Variants in NR3C1 observed in about 807,000 individuals in gnomAD.
The protein encoded by NR3C1 is nuclear receptor subfamily 3 group C member 1, also known as glucocorticoid receptor.
Under a neutral mutation model 74.0 loss-of-function variants are expected in NR3C1, and 14 were observed. The ratio of observed to expected loss-of-function variants is 0.19; its 90% CI spans 0.12 to 0.30. The LOEUF is 0.30. NR3C1 is among the 10% of genes least tolerant of loss of function. The pLI, the probability that NR3C1 is intolerant of heterozygous loss-of-function variation, is 1.00. For missense variants in NR3C1, 695 were observed against 909.8 expected (o/e 0.76, Z 3.04); for synonymous variants, 308 against 332.5 (o/e 0.93, Z 0.80).
chr5:143,378,552 A>C (rs1835634850), intron 2 of NR3C1, among the ~76,000 whole-genome samples: 1 of 152,172 alleles, frequency 6.6e-6, no homozygotes, highest in South Asian at 2.1e-4. Flanking sequence ...CAGTTCTTTG[A>C]GAACACTTAC....
chr5:143,294,412 T>G, intron 7 of NR3C1: 1 of 768,252 alleles, frequency 1.3e-6, no homozygotes, highest in Non-Finnish European at 1.6e-6. Context: ...AAAAAAGACT[T>G]TTTTTAGAGC....
At chr5:143,401,021 C>T (rs539136527) in intron 1 of NR3C1, among the ~76,000 whole-genome samples, 169 bp from the exon 2 acceptor site, 1 of 152,282 alleles carries the variant, frequency 6.6e-6, no homozygotes, top group Non-Finnish European at 1.5e-5. Context: ...AATAAAAAGC[C>T]ATGTCCCCTG....
intron 1 of NR3C1, chr5:143,401,219 A>C: frequency 4.1e-6 from 1 of 246,532 alleles, no homozygotes; most frequent in Non-Finnish European, 8.0e-6. Flanking sequence ...CAAAGTATTT[A>C]ATTTCAAAAA....
intron 2 of NR3C1, among the ~76,000 whole-genome samples, chr5:143,391,316 AAAC>A (rs1300670501): frequency 6.6e-5 from 10 of 152,192 alleles, no homozygotes; most frequent in Admixed American, 2.0e-4. Context: ...TCAATAAAGA[AAAC>A]AAGTCAGTGC....
At chr5:143,367,675 A>G (rs1021093691) in intron 2 of NR3C1, among the ~76,000 whole-genome samples, 25 of 152,230 alleles carry the variant, frequency 1.6e-4, no homozygotes, top group Non-Finnish European at 3.7e-4. Context: ...AAAATATTCA[A>G]GAATAAATTT....
At chr5:143,364,144 G>A (rs1190265038) in intron 2 of NR3C1, among the ~76,000 whole-genome samples, 4 of 152,162 alleles carry the variant, frequency 2.6e-5, no homozygotes, top group Admixed American at 6.5e-5. Flanking sequence ...AAAGCAGCAC[G>A]ACAAGCAAGT....
At chr5:143,343,772 T>A (rs6871322) in intron 2 of NR3C1, among the ~76,000 whole-genome samples, 2,769 of 152,314 alleles carry the variant, frequency 0.018, 101 homozygotes, top group African/African-American at 0.063. Flanking sequence ...CATTCAGAGA[T>A]GAAATCAAAA....
At chr5:143,363,409 G>GA (rs1451507965) in intron 2 of NR3C1, among the ~76,000 whole-genome samples, 2 of 151,962 alleles carry the variant, frequency 1.3e-5, no homozygotes, top group African/African-American at 2.4e-5. Context: ...AAGTACACAG[G>GA]AAAAGAAAGA....
chr5:143,370,110 C>G (rs1340891102), intron 2 of NR3C1, among the ~76,000 whole-genome samples: 3 of 152,134 alleles, frequency 2.0e-5, no homozygotes, highest in African/African-American at 7.2e-5. Context: ...TGAAGCAGTT[C>G]AGTGGATCTT....
intron 1 of NR3C1, among the ~76,000 whole-genome samples, chr5:143,422,244 A>G (rs981392908): frequency 6.6e-6 from 1 of 152,174 alleles, no homozygotes; most frequent in Admixed American, 6.5e-5. Context: ...TTTAAAGTAT[A>G]GATATCTGGG....
intron 2 of NR3C1, among the ~76,000 whole-genome samples, chr5:143,351,974 T>C (rs1057306890): frequency 3.3e-5 from 5 of 152,146 alleles, no homozygotes; most frequent in African/African-American, 1.2e-4. Flanking sequence ...TATAACAAAT[T>C]TAAGAGAAGA....
At chr5:143,356,073 G>C (rs909939664) in intron 2 of NR3C1, among the ~76,000 whole-genome samples, 1 of 152,092 alleles carries the variant, frequency 6.6e-6, no homozygotes, top group African/African-American at 2.4e-5. Flanking sequence ...TACAGATACT[G>C]TTTTTAATAT....
At chr5:143,307,852 A>G (rs1819965198) in intron 4 of NR3C1, among the ~76,000 whole-genome samples, 1 of 152,226 alleles carries the variant, frequency 6.6e-6, no homozygotes. Flanking sequence ...AGTGGGGAAT[A>G]CTGTTTTTAT....
chr5:143,344,595 G>A (rs1332739309), intron 2 of NR3C1, among the ~76,000 whole-genome samples: 1 of 152,122 alleles, frequency 6.6e-6, no homozygotes, highest in Non-Finnish European at 1.5e-5. Context: ...GATGCTGACT[G>A]GGCGCGGTAG....
chr5:143,377,693 G>T (rs1398094122), intron 2 of NR3C1, among the ~76,000 whole-genome samples: 2 of 152,210 alleles, frequency 1.3e-5, no homozygotes, highest in African/African-American at 4.8e-5. Context: ...AATATAGGGA[G>T]AAACATTTTT....
chr5:143,317,959 A>T (rs1468004932), intron 2 of NR3C1, among the ~76,000 whole-genome samples: 1 of 152,162 alleles, frequency 6.6e-6, no homozygotes, highest in African/African-American at 2.4e-5. Flanking sequence ...CATACAGACA[A>T]ATCTGGGTTC....
In NR3C1 at chr5:143,300,901, G is replaced by A; in HGVS notation, c.1469-138C>T. 1 of 1,011,604 alleles carries A rather than the reference G, an allele frequency of 9.9e-7. No individual in the cohort carries two copies. The highest frequency in any genetic ancestry group is 1.4e-6 in the Non-Finnish European group (1 of 715,350). The allele number at this position is 1,011,604 out of a possible 1,614,324, so 62.7% of individuals were successfully genotyped here. A position where few individuals can be genotyped will look rare whatever the true frequency, so the allele number is the denominator to read the frequency against. ...TTTTATTTAGCAATTATGATAAAGT[G>A]ACATGGAAAAGGAGAAAAAACTTTT... On this transcript the variant is annotated intron_variant, in intron 4 of 8. Transcript: ENST00000394464. The surrounding 1 kb of genome is among the most constrained non-coding windows in gnomAD (Gnocchi z 5.2).
intron 2 of NR3C1, among the ~76,000 whole-genome samples, chr5:143,331,836 A>G (rs1826003371): frequency 6.6e-6 from 1 of 152,178 alleles, no homozygotes; most frequent in Non-Finnish European, 1.5e-5. Context: ...TACTGTGTTT[A>G]TTTCCTGGGT....
At chr5:143,290,700 T>C (rs1386264197) in intron 7 of NR3C1, among the ~76,000 whole-genome samples, 1 of 152,100 alleles carries the variant, frequency 6.6e-6, no homozygotes, top group African/African-American at 2.4e-5. Context: ...CCCGAGTAGC[T>C]AGGATAACAG....
Sources: gnomAD v4.1 joint callset for allele counts (sites outside exome capture counted in the v4.1 genomes callset) on GRCh38, gnomAD v4.1.1 for gene constraint, Gnocchi (gnomAD v3.1) non-coding constraint, MANE v1.5 for transcripts, NCBI Gene and HGNC (gene_info 2026-07-23, HGNC 2026-07-21) for gene names.